The following SHISA9 variants were observed in gnomAD, a reference collection of about 807,000 sequenced individuals.
The protein encoded by SHISA9 is protein shisa-9.
In SHISA9, 13 loss-of-function variants were observed where a neutral mutation model predicts 38.0. The observed-to-expected ratio is 0.34, with a 90% CI of 0.22 to 0.54. The LOEUF is 0.54. Among genes scored for constraint, SHISA9 ranks in the 20% least tolerant of loss-of-function variants. The probability of loss-of-function intolerance (pLI) is 0.91; values close to 1 mark genes in which losing one functional copy is unlikely to be tolerated. For synonymous variants in SHISA9, 275 were observed against 242.0 expected (o/e 1.14, Z -1.27); for missense variants, 538 against 575.8 (o/e 0.93, Z 0.67).
chr16:13,290,045 T>C, the SHISA9 span, among the ~76,000 whole-genome samples: 1 of 152,220 alleles, frequency 6.6e-6, no homozygotes, highest in African/African-American at 2.4e-5. Flanking sequence ...TACTATTCTA[T>C]GCCCTGGAGA....
chr16:13,423,058 T>C, the SHISA9 span, among the ~76,000 whole-genome samples: 3 of 152,220 alleles, frequency 2.0e-5, no homozygotes, highest in East Asian at 5.8e-4. Flanking sequence ...TCTCTAAGAA[T>C]CCAGCTGCCT....
At chr16:13,004,518 T>A (rs1399535691) in intron 2 of SHISA9, among the ~76,000 whole-genome samples, 1 of 152,244 alleles carries the variant, frequency 6.6e-6, no homozygotes, top group South Asian at 2.1e-4. Context: ...TTGATCTGAT[T>A]TATGTTTTAC....
chr16:13,412,518 A>G, the SHISA9 span, among the ~76,000 whole-genome samples: 1 of 151,884 alleles, frequency 6.6e-6, no homozygotes, highest in Non-Finnish European at 1.5e-5. Context: ...TGTGCAAGAC[A>G]CATAGATGAA....
At chr16:13,392,152 C>T in the SHISA9 span, among the ~76,000 whole-genome samples, 2 of 152,242 alleles carry the variant, frequency 1.3e-5, no homozygotes, top group African/African-American at 4.8e-5. Context: ...CCTAAATACA[C>T]CTGTTATGGA....
At chr16:13,553,945 T>C in the SHISA9 span, among the ~76,000 whole-genome samples, 3 of 152,208 alleles carry the variant, frequency 2.0e-5, no homozygotes, top group Admixed American at 1.3e-4. Context: ...CAGTCACGGC[T>C]GTAAAGGATT....
intron 4 of SHISA9, among the ~76,000 whole-genome samples, chr16:13,232,163 C>T (rs1009747581): frequency 2.0e-5 from 3 of 152,222 alleles, no homozygotes; most frequent in Non-Finnish European, 4.4e-5. Context: ...ACATGTGTGA[C>T]ACTGTGAGAT....
chr16:13,466,242 C>A, the SHISA9 span, among the ~76,000 whole-genome samples: 2 of 152,326 alleles, frequency 1.3e-5, no homozygotes, highest in South Asian at 2.1e-4. Flanking sequence ...GGCTTCTATG[C>A]TTCTGAGTCA....
the SHISA9 span, among the ~76,000 whole-genome samples, chr16:13,424,717 A>G: frequency 3.9e-5 from 6 of 152,168 alleles, no homozygotes; most frequent in Non-Finnish European, 8.8e-5. Flanking sequence ...CTGTAATGCA[A>G]AAGCAGTCAT....
intron 2 of SHISA9, among the ~76,000 whole-genome samples, chr16:12,919,422 G>A (rs2071299960): frequency 6.6e-6 from 1 of 152,146 alleles, no homozygotes; most frequent in African/African-American, 2.4e-5. Flanking sequence ...ATTTGACTGA[G>A]GATTCACTAG....
At chr16:13,036,824 A>G (rs2073072140) in intron 2 of SHISA9, among the ~76,000 whole-genome samples, 1 of 151,958 alleles carries the variant, frequency 6.6e-6, no homozygotes, top group South Asian at 2.1e-4. Flanking sequence ...GAGGTAAAGT[A>G]GTTAGCACAA....
intron 1 of SHISA9, chr16:12,911,440 T>C (rs1302510967): frequency 4.2e-6 from 4 of 942,758 alleles, no homozygotes; most frequent in Non-Finnish European, 5.1e-6. Flanking sequence ...TATAAGCATA[T>C]GCATGAACCC....
At chr16:13,016,386 A>G (rs991415479) in intron 2 of SHISA9, among the ~76,000 whole-genome samples, 1 of 152,180 alleles carries the variant, frequency 6.6e-6, no homozygotes, top group Non-Finnish European at 1.5e-5. Context: ...TTTTAGAGCC[A>G]TCTAAATATT....
In SHISA9 at chr16:12,902,637, C is replaced by A; in HGVS notation, c.563+10C>A. ...GGGAGCACATGTCCAGGTGGGCTGC[C>A]TCCCCTTCGCCCTCCCCTCGGGGCT... On this transcript the variant is annotated intron_variant, in intron 1 of 4. Transcript: ENST00000558583. The A allele has an allele frequency of 6.5e-7, 1 of 1,533,410 alleles. No individual in the cohort carries two copies. The highest frequency in any genetic ancestry group is 1.2e-5 in the South Asian group (1 of 80,692). 95.0% of individuals were successfully genotyped at this position (1,533,410 alleles called of 1,614,324 possible). A position where few individuals can be genotyped will look rare whatever the true frequency, so the allele number is the denominator to read the frequency against.
the SHISA9 span, among the ~76,000 whole-genome samples, chr16:13,396,723 C>A: frequency 1.3e-5 from 2 of 152,152 alleles, no homozygotes; most frequent in African/African-American, 4.8e-5. Context: ...GTTTGAAAGG[C>A]TCTTCCCTTT....
intron 2 of SHISA9, among the ~76,000 whole-genome samples, chr16:13,044,393 C>T (rs1464877306): frequency 6.6e-6 from 1 of 152,204 alleles, no homozygotes; most frequent in Non-Finnish European, 1.5e-5. Context: ...GTTATTGAAC[C>T]TTTCTGAACC....
At chr16:13,274,890 C>T in the SHISA9 span, among the ~76,000 whole-genome samples, 3,027 of 152,258 alleles carry the variant, frequency 0.02, 112 homozygotes, top group African/African-American at 0.069. Flanking sequence ...ATTGTCCTTT[C>T]GTCAAGCACA....
At chr16:12,970,436 TATACAC>T (rs1378357029) in intron 2 of SHISA9, among the ~76,000 whole-genome samples, 10 of 74,540 alleles carry the variant, frequency 1.3e-4, no homozygotes, top group African/African-American at 3.5e-4. Context: ...TGTATATATA[TATACAC>T]ACATATATAT....
intron 2 of SHISA9, among the ~76,000 whole-genome samples, chr16:13,059,528 G>A (rs1199691779): frequency 6.6e-6 from 1 of 152,104 alleles, no homozygotes; most frequent in African/African-American, 2.4e-5. Context: ...GGTTCAGGTG[G>A]GGAGGGAGAG....
intron 2 of SHISA9, among the ~76,000 whole-genome samples, chr16:12,984,948 G>A (rs2072287444): frequency 6.6e-6 from 1 of 152,262 alleles, no homozygotes; most frequent in African/African-American, 2.4e-5. Context: ...CAGAGCTCCC[G>A]ACGGGATTAG....
Sources: gnomAD v4.1 joint callset for allele counts (sites outside exome capture counted in the v4.1 genomes callset) on GRCh38, gnomAD v4.1.1 for gene constraint, MANE v1.5 for transcripts, NCBI Gene and HGNC (gene_info 2026-07-23, HGNC 2026-07-21) for gene names.